SH3D19: variants seen among roughly 807,000 people sequenced by gnomAD.
The protein encoded by SH3D19 is SH3 domain containing 19, also known as SH3 domain-containing protein 19.
A neutral mutation model predicts 112.1 loss-of-function variants in SH3D19; 58 were observed. That is an observed-to-expected ratio of 0.52 (90% CI 0.42 to 0.64). The LOEUF (loss-of-function observed/expected upper bound fraction) is 0.64, where lower values mean the gene tolerates loss of function less well. Among genes scored for constraint, SH3D19 ranks in the 30% least tolerant of loss-of-function variants. The pLI is 0.00. For synonymous variants in SH3D19, 391 were observed against 448.5 expected (o/e 0.87, Z 1.62); for missense variants, 1,090 against 1,263.4 (o/e 0.86, Z 2.08).
chr4:151,311,155 A>ATGTATATAT (rs1561452021), intron 1 of SH3D19, among the ~76,000 whole-genome samples: 1 of 151,638 alleles, frequency 6.6e-6, no homozygotes, highest in African/African-American at 2.4e-5. Flanking sequence ...ATACACACAC[A>ATGTATATAT]GTGGAATTTT....
chr4:151,228,508 T>C (rs575110020), intron 1 of SH3D19, among the ~76,000 whole-genome samples: 36 of 144,430 alleles, frequency 2.5e-4, no homozygotes, highest in Non-Finnish European at 4.1e-4. Flanking sequence ...GTGTGTCTTA[T>C]ATACTTATAC....
chr4:151,236,151 G>C (rs1770018861), intron 1 of SH3D19, among the ~76,000 whole-genome samples: 1 of 152,262 alleles, frequency 6.6e-6, no homozygotes, highest in African/African-American at 2.4e-5. Flanking sequence ...GGCCGCGCTG[G>C]AGGAGCCCTT....
At chr4:151,140,523 C>T (rs1021764422) in intron 12 of SH3D19, 1 of 152,176 alleles carries the variant, frequency 6.6e-6, no homozygotes, top group South Asian at 2.1e-4. Context: ...AGCCAAATGC[C>T]GAGATTGGCC....
chr4:151,294,592 C>A (rs1417733765), intron 1 of SH3D19, among the ~76,000 whole-genome samples: 1 of 152,180 alleles, frequency 6.6e-6, no homozygotes, highest in Non-Finnish European at 1.5e-5. Flanking sequence ...TTGGACAACA[C>A]AACAGACCCT....
intron 1 of SH3D19, among the ~76,000 whole-genome samples, chr4:151,307,204 A>C (rs1729007106): frequency 6.7e-6 from 1 of 150,320 alleles, no homozygotes; most frequent in African/African-American, 2.5e-5. Flanking sequence ...TTTTATTTTT[A>C]GTAGAGACGG....
rs1408822473 is a variant in SH3D19, at chr4:151,132,990, T to G, written c.2689+44A>C. 2.0e-6 allele frequency: 3 copies of G among 1,483,424 alleles called. No homozygotes were observed. In the African/African-American group the frequency reaches 4.2e-5, roughly 21 times the overall value. 91.9% of individuals were successfully genotyped at this position (1,483,424 alleles called of 1,614,324 possible). A position where few individuals can be genotyped will look rare whatever the true frequency, so the allele number is the denominator to read the frequency against. On this transcript the variant is annotated intron_variant, in intron 16 of 19. Coordinates refer to ENST00000604030, the MANE Select transcript of SH3D19 (RefSeq NM_001378122.1). ...AGTATAATGATATTATTTGGTTTATTTGAATTAGGACATAACATAATAAAA... is the reference window on the plus strand; with the variant it reads ...AGTATAATGATATTATTTGGTTTATGTGAATTAGGACATAACATAATAAAA...
chr4:151,167,130 C>G (rs1420975762), intron 7 of SH3D19, among the ~76,000 whole-genome samples: 1 of 151,376 alleles, frequency 6.6e-6, no homozygotes, highest in Non-Finnish European at 1.5e-5. Context: ...GCTAGTCTTA[C>G]GTTAAAAAAA....
At position 151,176,655 on chromosome 4, in the gene SH3D19, TTC is replaced by T; in HGVS notation, c.406_407del (p.Glu136AsnfsTer7). On this transcript the variant is annotated frameshift_variant, in exon 6 of 20. Coordinates refer to ENST00000604030, the MANE Select transcript of SH3D19 (RefSeq NM_001378122.1). LOFTEE classifies it high-confidence loss of function. ...TAGTATTAACTTGAACTTGGTTGAT[TTC>T]TTTTATAACTTGTTCATAAGATGGT... ...LPPSYEQVIK[E>X]INQVQVNTTN... 2 of 1,232,092 alleles carry T rather than the reference TTC, an allele frequency of 1.6e-6. No homozygotes were observed. Among genetic ancestry groups the T allele is most frequent in the Non-Finnish European group, 2.0e-6 (2 of 987,892 alleles). The allele number at this position is 1,232,092 out of a possible 1,614,324, so 76.3% of individuals were successfully genotyped here.
intron 7 of SH3D19, among the ~76,000 whole-genome samples, chr4:151,173,449 A>T (rs1759407416): frequency 6.6e-6 from 1 of 152,232 alleles, no homozygotes; most frequent in Admixed American, 6.5e-5. Context: ...TGATCCATAG[A>T]TCTCTCTCAG....
chr4:151,219,229 C>G (rs1011352108), intron 2 of SH3D19, among the ~76,000 whole-genome samples: 7 of 152,154 alleles, frequency 4.6e-5, no homozygotes, highest in Non-Finnish European at 8.8e-5. Flanking sequence ...CCCCTGCCAT[C>G]CTCTTGGTGA....
chr4:151,201,615 G>A (rs1016224727), intron 2 of SH3D19, among the ~76,000 whole-genome samples: 41 of 152,290 alleles, frequency 2.7e-4, no homozygotes, highest in African/African-American at 9.1e-4. Flanking sequence ...GGAACATCTG[G>A]AGTCTTTAAA....
chr4:151,214,437 C>A (rs1400212948), intron 2 of SH3D19, among the ~76,000 whole-genome samples: 1 of 16,030 alleles, frequency 6.2e-5, no homozygotes, highest in Non-Finnish European at 6.8e-4. Flanking sequence ...ACCTCCCGGA[C>A]GAGGCTGCTG....
chr4:151,297,370 ATGACACT>A (rs955727386), intron 1 of SH3D19, among the ~76,000 whole-genome samples: 3 of 152,220 alleles, frequency 2.0e-5, no homozygotes, highest in African/African-American at 7.2e-5. Flanking sequence ...TGCCATTCTT[ATGACACT>A]TAGCCCACAT....
At position 151,177,105 on chromosome 4, in the gene SH3D19, G is replaced by A. The variant is rs1760067955; in HGVS notation, c.237-150C>T. The stretch of plus-strand genomic sequence containing the variant: ...AGAAATGACCTGTCAGGCCTGGGCT[G>A]TCTCTGACAGTACACCCAGACAGGC... On this transcript the variant is annotated intron_variant, in intron 4 of 19. Coordinates refer to ENST00000604030, the MANE Select transcript of SH3D19 (RefSeq NM_001378122.1). 3 of 540,692 alleles carry A rather than the reference G, an allele frequency of 5.5e-6. No homozygotes were observed. The East Asian group carries it at 1.0e-4, about 19-fold the overall frequency. The allele number at this position is 540,692 out of a possible 1,614,324, so 33.5% of individuals were successfully genotyped here. A position where few individuals can be genotyped will look rare whatever the true frequency, so the allele number is the denominator to read the frequency against.
At chr4:151,180,369 C>T (rs993899479) in intron 3 of SH3D19, among the ~76,000 whole-genome samples, 7 of 150,766 alleles carry the variant, frequency 4.6e-5, no homozygotes, top group Non-Finnish European at 8.8e-5. Context: ...AAGTTTTAAT[C>T]GGATAATCTA....
At chr4:151,255,755 G>C (rs890337839) in intron 1 of SH3D19, among the ~76,000 whole-genome samples, 3 of 152,232 alleles carry the variant, frequency 2.0e-5, no homozygotes, top group African/African-American at 7.2e-5. Flanking sequence ...CTGAGTGAAC[G>C]AGACTCCGTC....
intron 1 of SH3D19, among the ~76,000 whole-genome samples, chr4:151,255,043 A>C: frequency 7.1e-6 from 1 of 141,728 alleles, no homozygotes; most frequent in African/African-American, 2.7e-5. Flanking sequence ...GGCGCCCCTC[A>C]CCTCCCGGAC....
At chr4:151,313,018 G>A (rs1393111983) in intron 1 of SH3D19, among the ~76,000 whole-genome samples, 1 of 151,482 alleles carries the variant, frequency 6.6e-6, no homozygotes, top group Non-Finnish European at 1.5e-5. Flanking sequence ...GACCCTGGGA[G>A]GGGGAGGTTG....
At chr4:151,323,518 T>G (rs750972098) in intron 1 of SH3D19, among the ~76,000 whole-genome samples, 1 of 152,192 alleles carries the variant, frequency 6.6e-6, no homozygotes, top group South Asian at 2.1e-4. Flanking sequence ...ATTAAATAAT[T>G]TCTTCTAAAA....
Sources: allele counts gnomAD v4.1 joint callset (sites outside exome capture counted in the v4.1 genomes callset), GRCh38; gene constraint gnomAD v4.1.1; transcripts MANE v1.5; gene names NCBI Gene and HGNC (gene_info 2026-07-23, HGNC 2026-07-21).